Variants in SYCP2L observed in about 807,000 individuals in gnomAD.
SYCP2L encodes synaptonemal complex protein 2 like.
SYCP2L carries 98 observed loss-of-function variants against 125.8 expected under a neutral mutation model. The ratio of observed to expected loss-of-function variants is 0.78; its 90% CI spans 0.66 to 0.92. The LOEUF is 0.92. Ranked by LOEUF, SYCP2L falls within the 40% of genes least tolerant of loss-of-function variation. SYCP2L has a pLI of 0.00. For missense variants in SYCP2L, 842 were observed against 936.4 expected, an observed-to-expected ratio of 0.90 and a Z score of 1.32; for synonymous variants, 317 against 325.4, an observed-to-expected ratio of 0.97 and a Z score of 0.28.
At chr6:10,901,449 G>A (rs1369322746) in intron 6 of SYCP2L, among the ~76,000 whole-genome samples, 1 of 152,136 alleles carries the variant, frequency 6.6e-6, no homozygotes, top group Non-Finnish European at 1.5e-5. Context: ...GGTTCTTGGT[G>A]ACTTATTTTG....
At chr6:10,888,595 T>G (rs1485333682) in intron 1 of SYCP2L, among the ~76,000 whole-genome samples, 2 of 152,094 alleles carry the variant, frequency 1.3e-5, no homozygotes. Flanking sequence ...CTTTGGAATT[T>G]GCAAAGTACT....
intron 21 of SYCP2L, among the ~76,000 whole-genome samples, chr6:10,937,675 C>T (rs988040000): frequency 9.2e-5 from 14 of 151,856 alleles, no homozygotes; most frequent in South Asian, 6.2e-4. Flanking sequence ...AGACCTTTAG[C>T]TAGACTAACC....
At chr6:10,919,277 T>A (rs970428759) in intron 14 of SYCP2L, among the ~76,000 whole-genome samples, 1 of 152,198 alleles carries the variant, frequency 6.6e-6, no homozygotes, top group African/African-American at 2.4e-5. Flanking sequence ...GCCCTTGATG[T>A]AGTACTCTCC....
intron 6 of SYCP2L, among the ~76,000 whole-genome samples, chr6:10,899,076 G>C (rs1331286125): frequency 6.6e-6 from 1 of 152,162 alleles, no homozygotes; most frequent in East Asian, 1.9e-4. Context: ...CCTGACATAT[G>C]GCTAGCTCTG....
intron 29 of SYCP2L, among the ~76,000 whole-genome samples, chr6:10,968,044 T>C (rs550093876): frequency 1.3e-5 from 2 of 152,168 alleles, no homozygotes; most frequent in East Asian, 3.9e-4. Context: ...GAAAGAGAAA[T>C]AGAAGCCAGT....
chr6:10,934,364 G>GA (rs1270320067), intron 20 of SYCP2L, among the ~76,000 whole-genome samples: 5 of 152,208 alleles, frequency 3.3e-5, no homozygotes, highest in Admixed American at 6.5e-5. Context: ...AGCAGTACTT[G>GA]AATGCAGAGC....
At chr6:10,927,456 T>G (rs1780917309) in intron 17 of SYCP2L, 89 bp downstream of exon 17, 1 of 1,071,294 alleles carries the variant, frequency 9.3e-7, no homozygotes, top group Admixed American at 2.2e-5. Context: ...AAGTTGGGCA[T>G]CCAGGGGAGA....
intron 21 of SYCP2L, 74 bp from the exon 22 acceptor site, chr6:10,942,385 T>C (rs1396140884): frequency 1.1e-6 from 1 of 947,148 alleles, no homozygotes; most frequent in African/African-American, 1.7e-5. Context: ...AGATTTAATA[T>C]CTAGAATGAT....
intron 23 of SYCP2L, among the ~76,000 whole-genome samples, 157 bp downstream of exon 23, chr6:10,942,903 C>G (rs1046015320): frequency 1.3e-4 from 19 of 151,710 alleles, no homozygotes; most frequent in African/African-American, 4.6e-4. Context: ...CTTACTAGTT[C>G]TAAATGTTCA....
Position 10,910,692 on chromosome 6 carries a change from A to G in SYCP2L, c.873-132A>G, listed in dbSNP as rs1780591507. Reference sequence around the variant, plus strand: ...TAGTAGGTCTCCATTTGCAGGCTTGAAACCCCCTATTGTACTCTGTACGAG... The same window carrying G: ...TAGTAGGTCTCCATTTGCAGGCTTGGAACCCCCTATTGTACTCTGTACGAG... On this transcript the variant is annotated intron_variant, in intron 11 of 29. Coordinates refer to ENST00000283141, the MANE Select transcript of SYCP2L (RefSeq NM_001040274.3). 24 of 950,574 alleles carry G rather than the reference A, an allele frequency of 2.5e-5. 1 individual carries two copies. The South Asian group carries it at 3.2e-4, about 13-fold the overall frequency. The allele number at this position is 950,574 out of a possible 1,614,324, so 58.9% of individuals were successfully genotyped here.
chr6:10,956,911 T>C (rs746579087), intron 25 of SYCP2L, among the ~76,000 whole-genome samples: 2 of 152,178 alleles, frequency 1.3e-5, no homozygotes, highest in Non-Finnish European at 2.9e-5. Context: ...ACTCTAACCT[T>C]GAACTCTTGG....
intron 6 of SYCP2L, 55 bp downstream of exon 6, chr6:10,898,903 C>G: frequency 1.8e-6 from 2 of 1,096,448 alleles, no homozygotes; most frequent in Non-Finnish European, 2.7e-6. Flanking sequence ...ATAGAATATT[C>G]TGGCACAGAG....
chr6:10,907,761 G>T, intron 10 of SYCP2L, 77 bp downstream of exon 10: 2 of 1,488,480 alleles, frequency 1.3e-6, no homozygotes, highest in Non-Finnish European at 1.8e-6. Context: ...CTGTGCATTG[G>T]GCTTACGGGA....
chr6:10,919,844 A>ACAGGGAAATGGGGAAATG (rs1780761658), intron 14 of SYCP2L, among the ~76,000 whole-genome samples: 1 of 152,046 alleles, frequency 6.6e-6, no homozygotes, highest in Non-Finnish European at 1.5e-5. Flanking sequence ...GCAGGTTGTC[A>ACAGGGAAATGGGGAAATG]GGGAAATGGG....
chr6:10,912,854 T>G lies in SYCP2L; in HGVS notation c.1012-13T>G, dbSNP rs1201614050. On this transcript the variant is annotated splice_polypyrimidine_tract_variant and intron_variant, in intron 13 of 29. Coordinates refer to ENST00000283141, the MANE Select transcript of SYCP2L (RefSeq NM_001040274.3). This position sits in a 1 kb window ranked among gnomAD's most constrained non-coding sequence, Gnocchi z 4.1. The stretch of plus-strand genomic sequence containing the variant: ...TTTTGCACTCATGAATTTCACTTAT[T>G]TATTTTCCCAAGAATACTCTATGGG... The G allele has an allele frequency of 1.2e-6, 2 of 1,613,660 alleles. No homozygotes were observed. Among genetic ancestry groups the G allele is most frequent in the African/African-American group, 1.3e-5 (1 of 75,048 alleles).
intron 11 of SYCP2L, 120 bp from the exon 12 acceptor site, chr6:10,910,704 G>C: frequency 9.5e-7 from 1 of 1,049,600 alleles, no homozygotes; most frequent in South Asian, 1.3e-5. Context: ...ACCCCCTATT[G>C]TACTCTGTAC....
At chr6:10,940,155 A>G (rs562521510) in intron 21 of SYCP2L, among the ~76,000 whole-genome samples, 1 of 152,222 alleles carries the variant, frequency 6.6e-6, no homozygotes, top group Non-Finnish European at 1.5e-5. Context: ...ACCTGTCCAG[A>G]TAGCTATTAT....
chr6:10,930,371 A>G lies in SYCP2L; in HGVS notation c.1490A>G (p.Lys497Arg). 6.2e-7 allele frequency: 1 copy of G among 1,611,614 alleles called. No homozygotes were observed. Among genetic ancestry groups the G allele is most frequent in the Non-Finnish European group, 8.5e-7 (1 of 1,179,272 alleles). The stretch of plus-strand genomic sequence containing the variant: ...CTCATTTATGATCTGTGCTTGTAGA[A>G]GTCTCATTACAGAAAACATCTCTTC... The part of the protein sequence containing the change: ...FGVPDFPQQP[K>R]SHYRKHLFSE... The change falls in exon 19 of 30, where the codon AAG becomes AGG. Residue 497 changes from lysine to arginine, a missense_variant and splice_region_variant. By Grantham distance (26) the Lys-to-Arg change is conservative. Coordinates refer to ENST00000283141, the MANE Select transcript of SYCP2L (RefSeq NM_001040274.3).
intron 23 of SYCP2L, among the ~76,000 whole-genome samples, chr6:10,949,814 A>T (rs72823349): frequency 0.21 from 30,186 of 145,518 alleles, 3,716 homozygotes; most frequent in Middle Eastern, 0.33. Flanking sequence ...TATCTGGATT[A>T]AAAAAAATCT....
Sources: gnomAD v4.1 joint callset for allele counts (sites outside exome capture counted in the v4.1 genomes callset) on GRCh38, gnomAD v4.1.1 for gene constraint, Gnocchi (gnomAD v3.1) non-coding constraint, MANE v1.5 for transcripts, NCBI Gene and HGNC (gene_info 2026-07-23, HGNC 2026-07-21) for gene names.